The following IDH3B variants were observed in gnomAD, a reference collection of about 807,000 sequenced individuals.
The protein encoded by IDH3B is isocitrate dehydrogenase [NAD] subunit beta, mitochondrial.
A neutral mutation model predicts 47.5 loss-of-function variants in IDH3B; 40 were observed. That is an observed-to-expected ratio of 0.84 (90% CI 0.65 to 1.10). The LOEUF is 1.10. Ranked by LOEUF, IDH3B falls within the 50% of genes least tolerant of loss-of-function variation. The probability of loss-of-function intolerance (pLI) is 0.00; values close to 1 mark genes in which losing one functional copy is unlikely to be tolerated. For synonymous variants in IDH3B, 185 were observed against 191.0 expected, an observed-to-expected ratio of 0.97 and a Z score of 0.26; for missense variants, 450 against 505.2, an observed-to-expected ratio of 0.89 and a Z score of 1.05.
chr20:2,664,023 A>C lies in IDH3B; in HGVS notation c.37-18T>G, dbSNP rs753980828. ...ACCAGCGCCTGCAACAGGGACACAC[A>C]AGCCTGTAAGGTCAGCTTTGAGACA... On this transcript the variant is annotated intron_variant, in intron 1 of 11. Coordinates refer to ENST00000380843, the MANE Select transcript of IDH3B (RefSeq NM_006899.5). The C allele has an allele frequency of 4.1e-5, 66 of 1,613,816 alleles. No individual in the cohort carries two copies. The highest frequency in any genetic ancestry group is 5.1e-5 in the Non-Finnish European group (60 of 1,179,792).
At position 2,664,142 on chromosome 20, in the gene IDH3B, CG is replaced by C. The variant is rs772477866; in HGVS notation, c.36+10del. 2 of 1,613,086 alleles carry C rather than the reference CG, an allele frequency of 1.2e-6. No individual in the cohort carries two copies. The highest frequency in any genetic ancestry group is 4.5e-5 in the East Asian group (2 of 44,856). On this transcript the variant is annotated intron_variant, in intron 1 of 11. Coordinates refer to ENST00000380843, the MANE Select transcript of IDH3B (RefSeq NM_006899.5). ...TCGCCCGCCCCTGCCCGACATGTCC[CG>C]GGGCCTCACTCGGGTCAGCCAGCGG...
intron 4 of IDH3B, 78 bp downstream of exon 4, chr20:2,663,368 T>C: frequency 1.3e-6 from 2 of 1,527,240 alleles, no homozygotes; most frequent in Non-Finnish European, 1.8e-6. Context: ...GCATAGCATG[T>C]GGGGAGAAGG....
rs756555427 is a variant in IDH3B at position 2,660,965 on chromosome 20, C to T, written c.342G>A (p.Lys114=). ...MKENKVAIIG[K]IHTPMEYKGE... The stretch of plus-strand genomic sequence containing the variant: ...CCTTATACTCCATCGGGGTATGAAT[C>T]TTTCCTGTGAAAACAAAGTGGGAAA... The change falls in exon 5 of 12, where the codon AAG becomes AAA. Residue 114 remains lysine, a synonymous_variant. Coordinates refer to ENST00000380843, the MANE Select transcript of IDH3B (RefSeq NM_006899.5). This position sits in a 1 kb window ranked among gnomAD's most constrained non-coding sequence, Gnocchi z 5.6. 1 of 1,613,878 alleles carries T rather than the reference C, an allele frequency of 6.2e-7. No individual in the cohort carries two copies. Among genetic ancestry groups the T allele is most frequent in the East Asian group, 2.2e-5 (1 of 44,888 alleles).
Position 2,663,512 on chromosome 20 carries a change from T to A in IDH3B, c.271A>T (p.Met91Leu). ...TGCTCCAGCTTCTCCTCAGATGCCA[T>A]ATTCTGCACCTCACTCAGGTGGTGC... ...QEHHLSEVQN[M>L]ASEEKLEQVL... Residue 91 changes from methionine to leucine, a missense_variant, in exon 4 of 12, where the codon ATG becomes TTG. Transcript: ENST00000380843. 13 of 1,614,212 alleles carry A rather than the reference T, an allele frequency of 8.1e-6. No individual in the cohort carries two copies. Among genetic ancestry groups the A allele is most frequent in the Non-Finnish European group, 8.5e-6 (10 of 1,180,026 alleles).
At position 2,664,145 on chromosome 20, in the gene IDH3B, G is replaced by C; in HGVS notation, c.36+8C>G. 1 of 1,613,226 alleles carries C rather than the reference G, an allele frequency of 6.2e-7. No homozygotes were observed. Among genetic ancestry groups the C allele is most frequent in the Non-Finnish European group, 8.5e-7 (1 of 1,179,708 alleles). On this transcript the variant is annotated splice_region_variant and intron_variant, in intron 1 of 11. Coordinates refer to ENST00000380843, the MANE Select transcript of IDH3B (RefSeq NM_006899.5). ...CCCGCCCCTGCCCGACATGTCCCGGGGCCTCACTCGGGTCAGCCAGCGGAC... is the reference window on the plus strand; with the variant it reads ...CCCGCCCCTGCCCGACATGTCCCGGCGCCTCACTCGGGTCAGCCAGCGGAC...
intron 11 of IDH3B, 99 bp downstream of exon 11, chr20:2,659,426 A>G (rs1346814891): frequency 1.3e-6 from 2 of 1,514,812 alleles, no homozygotes; most frequent in Non-Finnish European, 1.8e-6. Context: ...ACCTGGGGGG[A>G]AAGGAGACCC....
intron 4 of IDH3B, among the ~76,000 whole-genome samples, chr20:2,662,286 G>A (rs1234472675): frequency 6.6e-6 from 1 of 152,204 alleles, no homozygotes; most frequent in Non-Finnish European, 1.5e-5. Context: ...AACAATATAA[G>A]TCAGGTAGTA....
rs144124297 is a variant in IDH3B at position 2,660,522 on chromosome 20, G to C, written c.600C>G (p.Phe200Leu). The C allele has an allele frequency of 5.0e-6, 8 of 1,613,970 alleles. No individual in the cohort carries two copies. Among genetic ancestry groups the C allele is most frequent in the African/African-American group, 1.3e-5 (1 of 74,886 alleles). The change falls in exon 7 of 12, where the codon TTC becomes TTG. Residue 200 changes from phenylalanine (F) to leucine (L), a missense_variant. Coordinates refer to ENST00000380843, the MANE Select transcript of IDH3B (RefSeq NM_006899.5). This position sits in a 1 kb window ranked among gnomAD's most constrained non-coding sequence, Gnocchi z 5.6. Reference protein sequence around the residue: ...TRAKSQRIAKFAFDYATKKGR... With the variant: ...TRAKSQRIAKLAFDYATKKGR... ...CCTTCTTGGTGGCATAGTCAAAGGCGAACTTTGCAATCCGCTGAGACTTGG... is the reference window on the plus strand; with the variant it reads ...CCTTCTTGGTGGCATAGTCAAAGGCCAACTTTGCAATCCGCTGAGACTTGG...
Position 2,660,292 on chromosome 20 carries a change from T to C in IDH3B, c.739A>G (p.Thr247Ala), listed in dbSNP as rs1194323125. 6.2e-7 allele frequency: 1 copy of C among 1,614,108 alleles called. No homozygotes were observed. Among genetic ancestry groups the C allele is most frequent in the East Asian group, 2.2e-5 (1 of 44,872 alleles). The stretch of plus-strand genomic sequence containing the variant: ...ATGCAGCAGTTGTCTATGATCATTG[T>C]CTCAAATTTGATTTTGGGGTACAGT... ...AELYPKIKFETMIIDNCCMQL... is the reference protein window; with the variant it reads ...AELYPKIKFEAMIIDNCCMQL... The change falls in exon 8 of 12, where the codon ACA (threonine) becomes GCA (alanine). Residue 247 changes from threonine to alanine, a missense_variant. By Grantham distance (58) the Thr-to-Ala change is moderately conservative (BLOSUM62 0). Coordinates refer to ENST00000380843, the MANE Select transcript of IDH3B (RefSeq NM_006899.5). This position sits in a 1 kb window ranked among gnomAD's most constrained non-coding sequence, Gnocchi z 5.6.
At chr20:2,659,901 GAA>G (rs2086908577) in intron 9 of IDH3B, 108 bp from the exon 10 acceptor site, 1 of 1,464,022 alleles carries the variant, frequency 6.8e-7, no homozygotes, top group Non-Finnish European at 9.6e-7. Context: ...CAGGGTCACT[GAA>G]AAGAGGCATG....
chr20:2,658,548 A>ATGTGGCCTGGGCTCCATCCT lies in IDH3B; in HGVS notation c.*183_*202dup. On this transcript the variant is annotated 3_prime_UTR_variant, in exon 12 of 12. Coordinates refer to ENST00000380843, the MANE Select transcript of IDH3B (RefSeq NM_006899.5). ...CTGTGGGGGAGAATCATCATCATCC[A>ATGTGGCCTGGGCTCCATCCT]TGTGGCCTGGGCTCCATCCTAACAA... 6.2e-7 allele frequency: 1 copy of ATGTGGCCTGGGCTCCATCCT among 1,613,556 alleles called. No homozygotes were observed. Among genetic ancestry groups the ATGTGGCCTGGGCTCCATCCT allele is most frequent in the Non-Finnish European group, 8.5e-7 (1 of 1,179,778 alleles).
In IDH3B at chr20:2,659,766, C is replaced by T; in HGVS notation, c.943G>A (p.Val315Met). The change falls in exon 10 of 12, where the codon GTG becomes ATG. Residue 315 changes from valine to methionine, a missense_variant. Physicochemically the swap from Val to Met is conservative, Grantham distance 21. Transcript: ENST00000380843. ...TGARHPFAQA[V>M]GRNIANPTAM... is the part of the protein sequence containing the mutation. ...GTGGGATTGGCTATATTCCTGCCCA[C>T]TGCCTGGGCAAATGGGTGCCGGGCA... The T allele has an allele frequency of 6.2e-7, 1 of 1,614,044 alleles. No homozygotes were observed. Among genetic ancestry groups the T allele is most frequent in the South Asian group, 1.1e-5 (1 of 91,086 alleles).
intron 4 of IDH3B, among the ~76,000 whole-genome samples, chr20:2,663,205 T>G (rs1390474303): frequency 6.6e-6 from 1 of 151,304 alleles, no homozygotes; most frequent in Non-Finnish European, 1.5e-5. Context: ...ATGAATAAGA[T>G]TTGATGACAG....
chr20:2,660,551 G>A lies in IDH3B; in HGVS notation c.571C>T (p.Arg191Ter), dbSNP rs755960696. 3.0e-5 allele frequency: 49 copies of A among 1,613,966 alleles called. No individual in the cohort carries two copies. Among genetic ancestry groups the A allele is most frequent in the Admixed American group, 8.3e-5 (5 of 59,980 alleles). The part of the protein sequence containing the change: ...GVIECLKIVT[R>*]AKSQRIAKFA... ...TTTGCAATCCGCTGAGACTTGGCTC[G>A]TGTGACAATCTTCAAACACTCAATC... Residue 191 changes from arginine to a stop codon, truncating the protein, a stop_gained, in exon 7 of 12, where the codon CGA becomes TGA. Transcript: ENST00000380843. LOFTEE classifies it high-confidence loss of function. This position sits in a 1 kb window ranked among gnomAD's most constrained non-coding sequence, Gnocchi z 5.6.
chr20:2,663,141 G>GA (rs2086978583), intron 4 of IDH3B, among the ~76,000 whole-genome samples: 1 of 142,198 alleles, frequency 7.0e-6, no homozygotes, highest in South Asian at 2.1e-4. Context: ...AAGGAAGGGA[G>GA]GGGAAAAAAA....
Position 2,658,637 on chromosome 20 carries a change from C to A in IDH3B, c.*114G>T. On this transcript the variant is annotated 3_prime_UTR_variant, in exon 12 of 12. Coordinates refer to ENST00000380843, the MANE Select transcript of IDH3B (RefSeq NM_006899.5). ...CGGCCCAAGGACAACCTAGGCTCTA[C>A]CCAGCAAGGTGACCATGGTCCACTG... The A allele has an allele frequency of 6.2e-7, 1 of 1,613,742 alleles. No individual in the cohort carries two copies. Among genetic ancestry groups the A allele is most frequent in the Non-Finnish European group, 8.5e-7 (1 of 1,179,810 alleles).
intron 11 of IDH3B, chr20:2,659,166 G>A (rs2086887527): frequency 8.4e-7 from 1 of 1,184,166 alleles, no homozygotes; most frequent in African/African-American, 2.6e-5. Context: ...CAGCGAAAAG[G>A]AGATGGGGCG....
rs755409395 is a variant in IDH3B, at chr20:2,659,780, G to A, written c.929C>T (p.Pro310Leu). The A allele has an allele frequency of 6.2e-7, 1 of 1,613,346 alleles. No homozygotes were observed. Among genetic ancestry groups the A allele is most frequent in the East Asian group, 2.2e-5 (1 of 44,880 alleles). Reference protein sequence around the residue: ...YAVFETGARHPFAQAVGRNIA... With the variant: ...YAVFETGARHLFAQAVGRNIA... ...ATTCCTGCCCACTGCCTGGGCAAAT[G>A]GGTGCCGGGCACCCTGTGGAGAGAG... The change falls in exon 10 of 12, where the codon CCA becomes CTA. Residue 310 changes from proline to leucine, a missense_variant. Coordinates refer to ENST00000380843, the MANE Select transcript of IDH3B (RefSeq NM_006899.5).
intron 4 of IDH3B, 23 bp downstream of exon 4, chr20:2,663,423 A>G (rs1339667519): frequency 6.2e-7 from 1 of 1,613,948 alleles, no homozygotes; most frequent in Non-Finnish European, 8.5e-7. Flanking sequence ...GCACATGGAC[A>G]AGTGGCAAGA....
Sources: allele counts gnomAD v4.1 joint callset (sites outside exome capture counted in the v4.1 genomes callset), GRCh38; gene constraint gnomAD v4.1.1; non-coding constraint Gnocchi (gnomAD v3.1); transcripts MANE v1.5; gene names NCBI Gene and HGNC (gene_info 2026-07-23, HGNC 2026-07-21).